Variants in NEUROD1 observed in about 807,000 individuals in gnomAD.
The protein encoded by NEUROD1 is neurogenic differentiation factor 1.
In NEUROD1, 9 loss-of-function variants were observed where a neutral mutation model predicts 21.8. That is an observed-to-expected ratio of 0.41 (90% CI 0.25 to 0.72). The LOEUF (loss-of-function observed/expected upper bound fraction) is 0.72, where lower values mean the gene tolerates loss of function less well. Among genes scored for constraint, NEUROD1 ranks in the 30% least tolerant of loss-of-function variants. The probability of loss-of-function intolerance (pLI) is 0.31; values close to 1 mark genes in which losing one functional copy is unlikely to be tolerated. For missense variants in NEUROD1, 434 were observed against 468.8 expected, an observed-to-expected ratio of 0.93 and a Z score of 0.69; for synonymous variants, 199 against 186.2, an observed-to-expected ratio of 1.07 and a Z score of -0.56.
rs1688593385 is a variant in NEUROD1 at position 181,677,141 on chromosome 2, T to TTTTTC, written c.*648_*649insGAAAA. On this transcript the variant is annotated 3_prime_UTR_variant, in exon 2 of 2. Coordinates refer to ENST00000295108, the MANE Select transcript of NEUROD1 (RefSeq NM_002500.5). ...TTTTTTTTTTTTTTTTTTTTTTTTT[T>TTTTTC]TTTTTACAATTGGAGAGGAAAGAAG... 1 of 136,826 alleles carries TTTTTC rather than the reference T, an allele frequency of 7.3e-6. No individual in the cohort carries two copies. Among genetic ancestry groups the TTTTTC allele is most frequent in the Non-Finnish European group, 1.5e-5 (1 of 65,530 alleles). 8.5% of individuals were successfully genotyped at this position (136,826 alleles called of 1,614,324 possible).
At chr2:181,672,531 G>T (rs1228347844), downstream of NEUROD1, among the ~76,000 whole-genome samples, 1 of 152,198 alleles carries the variant, frequency 6.6e-6, no homozygotes, top group East Asian at 1.9e-4. Context: ...GAGATAGATA[G>T]TTTAAAATTA....
exon 2 of NEUROD1, among the ~76,000 whole-genome samples, chr2:181,670,443 A>C (rs1688482256): frequency 6.6e-6 from 1 of 152,186 alleles, no homozygotes; most frequent in African/African-American, 2.4e-5. Flanking sequence ...AAAGTTTAAG[A>C]AGACATTTTC....
downstream of NEUROD1, among the ~76,000 whole-genome samples, chr2:181,676,189 G>T (rs929497632): frequency 1.1e-4 from 16 of 151,844 alleles, no homozygotes; most frequent in Non-Finnish European, 1.8e-4. Flanking sequence ...AAACCTAAAG[G>T]CTAAGCCACT....
Position 181,678,995 on chromosome 2 carries a change from ATT to A in NEUROD1, c.-11-126_-11-125del. The A allele has an allele frequency of 8.5e-7, 1 of 1,171,758 alleles. No homozygotes were observed. The highest frequency in any genetic ancestry group is 1.2e-6 in the Non-Finnish European group (1 of 829,700). 72.6% of individuals were successfully genotyped at this position (1,171,758 alleles called of 1,614,324 possible). Reference sequence around the variant, plus strand: ...AAATGCTTGCGAAAAGTACCTGCCCATTACAAAATGAATGCCTCTGAGAAAAA... The same window carrying A: ...AAATGCTTGCGAAAAGTACCTGCCCAACAAAATGAATGCCTCTGAGAAAAA... On this transcript the variant is annotated intron_variant, in intron 1 of 1. Transcript: ENST00000295108. This position sits in a 1 kb window ranked among gnomAD's most constrained non-coding sequence, Gnocchi z 5.5.
chr2:181,670,468 G>C lies in NEUROD1; in HGVS notation n.3478C>G, dbSNP rs145594075. The stretch of plus-strand genomic sequence containing the variant: ...AAGACATTTTCAGAAGAATTTAAAT[G>C]AACTCTCCTATACTTATATATATTT... On this transcript the variant is annotated non_coding_transcript_exon_variant, in exon 2 of 2. Transcript: ENST00000496876. Among the ~76,000 whole-genome samples the C allele has an allele frequency of 9.1e-3, 1,387 of 152,194 alleles. 20 individuals are homozygous for C. The highest frequency in any genetic ancestry group is 0.032 in the African/African-American group (1,316 of 41,522).
chr2:181,678,182 G>C lies in NEUROD1; in HGVS notation c.679C>G (p.Pro227Ala). The change falls in exon 2 of 2, where the codon CCC becomes GCC. Residue 227 changes from proline to alanine, a missense_variant. Transcript: ENST00000295108. This position sits in a 1 kb window ranked among gnomAD's most constrained non-coding sequence, Gnocchi z 5.5. ...TCCATGGTACCGTAAGGCGGACTGG[G>C]CAGCCCAGGCGACTGGTAGGAGTAG... Reference protein sequence around the residue: ...HPYSYQSPGLPSPPYGTMDSS... With the variant: ...HPYSYQSPGLASPPYGTMDSS... The C allele has an allele frequency of 6.2e-7, 1 of 1,614,176 alleles. No individual in the cohort carries two copies. The highest frequency in any genetic ancestry group is 8.5e-7 in the Non-Finnish European group (1 of 1,180,026).
In NEUROD1 at chr2:181,678,272, G is replaced by A; in HGVS notation, c.589C>T (p.Pro197Ser). 2 of 1,614,144 alleles carry A rather than the reference G, an allele frequency of 1.2e-6. No individual in the cohort carries two copies. Among genetic ancestry groups the A allele is most frequent in the South Asian group, 2.2e-5 (2 of 91,088 alleles). Reference sequence around the variant, plus strand: ...GGGGGCATGTCCTGGTTCTGCTCAGGCAGAAAAGTCCGAGGATTGAGTTGC... The same window carrying A: ...GGGGGCATGTCCTGGTTCTGCTCAGACAGAAAAGTCCGAGGATTGAGTTGC... ...CLQLNPRTFL[P>S]EQNQDMPPHL... Residue 197 changes from proline (P) to serine (S), a missense_variant, in exon 2 of 2, where the codon CCT becomes TCT. Physicochemically the swap from Pro to Ser is moderately conservative, Grantham distance 74. Coordinates refer to ENST00000295108, the MANE Select transcript of NEUROD1 (RefSeq NM_002500.5). The surrounding 1 kb of genome is among the most constrained non-coding windows in gnomAD (Gnocchi z 5.5).
chr2:181,669,331 CA>C (rs1161319705), downstream of NEUROD1, among the ~76,000 whole-genome samples: 3 of 152,100 alleles, frequency 2.0e-5, no homozygotes, highest in Admixed American at 1.3e-4. Flanking sequence ...ATGCAAAAAA[CA>C]ATTCCCCTTT....
Position 181,678,203 on chromosome 2 carries a change from A to C in NEUROD1, c.658T>G (p.Ser220Ala), listed in dbSNP as rs1688623016. 4.3e-6 allele frequency: 7 copies of C among 1,614,066 alleles called. No homozygotes were observed. The highest frequency in any genetic ancestry group is 4.0e-5 in the African/African-American group (3 of 75,004). ...ASASFPVHPYSYQSPGLPSPP... is the reference protein window; with the variant it reads ...ASASFPVHPYAYQSPGLPSPP... ...CTGGGCAGCCCAGGCGACTGGTAGG[A>C]GTAGGGGTGTACAGGGAAGGAAGCG... is the stretch of plus-strand genomic sequence containing the variant. The change falls in exon 2 of 2, where the codon TCC becomes GCC. Residue 220 changes from serine (S) to alanine (A), a missense_variant. Transcript: ENST00000295108. This position sits in a 1 kb window ranked among gnomAD's most constrained non-coding sequence, Gnocchi z 5.5.
downstream of NEUROD1, among the ~76,000 whole-genome samples, chr2:181,672,305 G>A (rs577415409): frequency 6.6e-5 from 10 of 152,236 alleles, no homozygotes; most frequent in African/African-American, 1.2e-4. Context: ...AACACTTGCT[G>A]GACTGAAAAT....
At position 181,677,643 on chromosome 2, in the gene NEUROD1, G is replaced by T; in HGVS notation, c.*147C>A. 1.4e-6 allele frequency: 2 copies of T among 1,418,226 alleles called. No homozygotes were observed. Among genetic ancestry groups the T allele is most frequent in the South Asian group, 1.3e-5 (1 of 79,226 alleles). The allele number at this position is 1,418,226 out of a possible 1,614,324, so 87.9% of individuals were successfully genotyped here. On this transcript the variant is annotated 3_prime_UTR_variant, in exon 2 of 2. Coordinates refer to ENST00000295108, the MANE Select transcript of NEUROD1 (RefSeq NM_002500.5). ...TGATCCCCTGTTTCTTCCAAAGGCA[G>T]TAATGACAATAAATACATATATCAC...
At chr2:181,672,988 G>A (rs1024768225), downstream of NEUROD1, 3 of 152,124 alleles carry the variant, frequency 2.0e-5, no homozygotes, top group Admixed American at 6.6e-5. Context: ...TTTCACAATT[G>A]GATCCATCTC....
chr2:181,678,845 T>A lies in NEUROD1; in HGVS notation c.16A>T (p.Ser6Cys). 1 of 1,614,040 alleles carries A rather than the reference T, an allele frequency of 6.2e-7. No homozygotes were observed. Among genetic ancestry groups the A allele is most frequent in the Non-Finnish European group, 8.5e-7 (1 of 1,180,048 alleles). Residue 6 changes from serine to cysteine, a missense_variant, in exon 2 of 2, where the codon AGC (serine) becomes TGC (cysteine). Physicochemically the swap from Ser to Cys is moderately radical, Grantham distance 112 (BLOSUM62 -1). Transcript: ENST00000295108. The surrounding 1 kb of genome is among the most constrained non-coding windows in gnomAD (Gnocchi z 5.5). MTKSY[S>C]ESGLMGEPQP... ...GGCTCGCCCATCAGCCCACTCTCGCTGTACGATTTGGTCATGTTTCGATTT... is the reference window on the plus strand; with the variant it reads ...GGCTCGCCCATCAGCCCACTCTCGCAGTACGATTTGGTCATGTTTCGATTT...
In NEUROD1 at chr2:181,679,771, A is replaced by G. The variant is rs559859383; in HGVS notation, c.-12+659T>C. Among the ~76,000 whole-genome samples the G allele has an allele frequency of 3.9e-5, 6 of 152,370 alleles. No individual in the cohort carries two copies. In the East Asian group the frequency reaches 9.6e-4, roughly 24 times the overall value. ...TAATTATAATGGTCAGCGATTGGCA[A>G]CCGCGAAGTTGCCGCTTCTAGTAAG... On this transcript the variant is annotated intron_variant, in intron 1 of 1. Coordinates refer to ENST00000295108, the MANE Select transcript of NEUROD1 (RefSeq NM_002500.5).
In NEUROD1 at chr2:181,677,291, T is replaced by C. The variant is rs1399663980; in HGVS notation, c.*499A>G. 1 of 152,382 alleles carries C rather than the reference T, an allele frequency of 6.6e-6. No individual in the cohort carries two copies. Among genetic ancestry groups the C allele is most frequent in the African/African-American group, 2.4e-5 (1 of 41,386 alleles). The allele number at this position is 152,382 out of a possible 1,614,324, so 9.4% of individuals were successfully genotyped here. On this transcript the variant is annotated 3_prime_UTR_variant, in exon 2 of 2. Transcript: ENST00000295108. ...TATAAAAATTGATGAAGCTGCATGG[T>C]TTTAAAATAGGAAATCCACATTATA...
chr2:181,670,403 G>A (rs1013118194), exon 2 of NEUROD1, among the ~76,000 whole-genome samples: 9 of 152,018 alleles, frequency 5.9e-5, no homozygotes, highest in Admixed American at 5.2e-4. Flanking sequence ...TACCAACTAC[G>A]TATACTGGTT....
chr2:181,679,687 G>A (rs1214104264), intron 1 of NEUROD1, among the ~76,000 whole-genome samples: 9 of 152,248 alleles, frequency 5.9e-5, no homozygotes, highest in Non-Finnish European at 7.3e-5. Context: ...TGAAAGGGCC[G>A]CCCGCTCTTT....
At chr2:181,679,932 C>A (rs1273263404) in intron 1 of NEUROD1, among the ~76,000 whole-genome samples, 6 of 152,328 alleles carry the variant, frequency 3.9e-5, no homozygotes, top group Admixed American at 1.3e-4. Context: ...CCCCTCTCAA[C>A]TAAACTATCT....
rs753358185 is a variant in NEUROD1, at chr2:181,678,198, G to T, written c.663C>A (p.Tyr221Ter). 1 of 1,614,052 alleles carries T rather than the reference G, an allele frequency of 6.2e-7. No homozygotes were observed. The highest frequency in any genetic ancestry group is 1.3e-5 in the African/African-American group (1 of 74,934). Reference protein sequence around the residue: ...SASFPVHPYSYQSPGLPSPPY... With the variant: ...SASFPVHPYS ...GCGGACTGGGCAGCCCAGGCGACTG[G>T]TAGGAGTAGGGGTGTACAGGGAAGG... The change falls in exon 2 of 2, where the codon TAC (tyrosine) becomes TAA (stop). Residue 221 changes from tyrosine (Y) to a stop codon, truncating the protein, a stop_gained. Coordinates refer to ENST00000295108, the MANE Select transcript of NEUROD1 (RefSeq NM_002500.5). LOFTEE classifies it high-confidence loss of function. This position sits in a 1 kb window ranked among gnomAD's most constrained non-coding sequence, Gnocchi z 5.5.
Sources: allele counts gnomAD v4.1 joint callset (sites outside exome capture counted in the v4.1 genomes callset), GRCh38; gene constraint gnomAD v4.1.1; non-coding constraint Gnocchi (gnomAD v3.1); transcripts MANE v1.5; gene names NCBI Gene and HGNC (gene_info 2026-07-23, HGNC 2026-07-21).